The following FANK1 variants were observed in gnomAD, a reference collection of about 807,000 sequenced individuals.
FANK1 encodes fibronectin type 3 and ankyrin repeat domains protein 1.
Under a neutral mutation model 45.3 loss-of-function variants are expected in FANK1, and 44 were observed. The observed-to-expected ratio is 0.97, with a 90% CI of 0.76 to 1.25. The LOEUF (loss-of-function observed/expected upper bound fraction) is 1.25, where lower values mean the gene tolerates loss of function less well. Among genes scored for constraint, FANK1 ranks in the 50% most tolerant of loss-of-function variants. The pLI is 0.00. For synonymous variants in FANK1, 149 were observed against 152.5 expected, an observed-to-expected ratio of 0.98 and a Z score of 0.17; for missense variants, 391 against 424.4, an observed-to-expected ratio of 0.92 and a Z score of 0.69.
chr10:125,964,366 T>A (rs1421035153), intron 1 of FANK1, among the ~76,000 whole-genome samples: 1 of 151,874 alleles, frequency 6.6e-6, no homozygotes, highest in Non-Finnish European at 1.5e-5. Flanking sequence ...CTAATTTTTG[T>A]ATTTTTAGTG....
intron 1 of FANK1, among the ~76,000 whole-genome samples, chr10:125,932,888 T>C (rs1475219535): frequency 6.6e-6 from 1 of 152,202 alleles, no homozygotes; most frequent in African/African-American, 2.4e-5. Context: ...TTGTGTACCA[T>C]GTTTGCTGAG....
intron 1 of FANK1, among the ~76,000 whole-genome samples, chr10:125,917,516 A>AATAT (rs559016508): frequency 1.5e-3 from 227 of 152,302 alleles, no homozygotes; most frequent in African/African-American, 5.2e-3. Context: ...TGACGAACCT[A>AATAT]ATATATAAAG....
intron 1 of FANK1, among the ~76,000 whole-genome samples, chr10:125,956,609 G>T (rs1174731596): frequency 6.6e-6 from 1 of 152,116 alleles, no homozygotes; most frequent in African/African-American, 2.4e-5. Context: ...GTTTTTAATA[G>T]TAGAAAGTAA....
Position 125,980,356 on chromosome 10 carries a change from T to G in FANK1, c.191+18T>G. On this transcript the variant is annotated intron_variant, in intron 2 of 10. Coordinates refer to ENST00000368693, the MANE Select transcript of FANK1 (RefSeq NM_145235.5). ...ATTTATACGTAGGTGCAGTGTTGAATTGCTTGCCACTTTGCCTTACTTCCT... is the reference window on the plus strand; with the variant it reads ...ATTTATACGTAGGTGCAGTGTTGAAGTGCTTGCCACTTTGCCTTACTTCCT... 3 of 1,601,978 alleles carry G rather than the reference T, an allele frequency of 1.9e-6. No homozygotes were observed. The highest frequency in any genetic ancestry group is 2.6e-6 in the Non-Finnish European group (3 of 1,175,084).
chr10:125,994,808 G>A, intron 3 of FANK1: 3 of 985,254 alleles, frequency 3.0e-6, no homozygotes, highest in Non-Finnish European at 3.6e-6. Flanking sequence ...CCCCGGCTGT[G>A]GCCCATTGTT....
chr10:125,943,517 C>T (rs1316851487), intron 1 of FANK1, among the ~76,000 whole-genome samples: 3 of 152,164 alleles, frequency 2.0e-5, no homozygotes, highest in African/African-American at 7.2e-5. Context: ...TTCTTCCAGC[C>T]CTTTGCAACC....
At chr10:125,946,451 T>C (rs1043621531) in intron 1 of FANK1, among the ~76,000 whole-genome samples, 6 of 151,868 alleles carry the variant, frequency 4.0e-5, no homozygotes, top group African/African-American at 7.3e-5. Flanking sequence ...TCGAGAACTA[T>C]GTGAAGAATG....
intron 2 of FANK1, among the ~76,000 whole-genome samples, 178 bp from the exon 3 acceptor site, chr10:125,988,373 G>C (rs1212764305): frequency 1.3e-5 from 2 of 152,166 alleles, no homozygotes; most frequent in African/African-American, 4.8e-5. Context: ...TGCTGGATAG[G>C]GATGGGGCGC....
intron 1 of FANK1, among the ~76,000 whole-genome samples, chr10:125,963,923 C>G (rs1012916270): frequency 6.6e-6 from 1 of 151,932 alleles, no homozygotes; most frequent in African/African-American, 2.4e-5. Flanking sequence ...GATAATTTTG[C>G]AGTGCAGCTT....
At chr10:125,920,487 A>G (rs1177633210) in intron 1 of FANK1, among the ~76,000 whole-genome samples, 2 of 152,362 alleles carry the variant, frequency 1.3e-5, no homozygotes, top group East Asian at 1.9e-4. Context: ...AAAAACTTCT[A>G]ATACTGTCTT....
Position 125,988,536 on chromosome 10 carries a change from TCTC to T in FANK1, c.192-9_192-7del. On this transcript the variant is annotated splice_polypyrimidine_tract_variant and intron_variant, in intron 2 of 10. Transcript: ENST00000368693. ...CTACCTGGTGTTATCAGCATGTTTG[TCTC>T]CTCCTGTCTAGGGGATATGCAACGA... is the stretch of plus-strand genomic sequence containing the variant. 2 of 1,612,474 alleles carry T rather than the reference TCTC, an allele frequency of 1.2e-6. No individual in the cohort carries two copies. Among genetic ancestry groups the T allele is most frequent in the South Asian group, 1.1e-5 (1 of 90,958 alleles).
rs146106149 is a variant in FANK1 at position 125,980,294 on chromosome 10, TGAA to T, written c.156_158del (p.Glu52del). The T allele has an allele frequency of 0.024, 38,040 of 1,614,098 alleles. 554 individuals are homozygous for T. Among genetic ancestry groups the T allele is most frequent in the Non-Finnish European group, 0.028 (33,106 of 1,180,004 alleles). On this transcript the variant is annotated inframe_deletion, in exon 2 of 11. Coordinates refer to ENST00000368693, the MANE Select transcript of FANK1 (RefSeq NM_145235.5). ...AAGAGCAGTGGTTCAGGTTCTCGAT[TGAA>T]GAAGAAGACCCCAAAATGCACACTT...
chr10:125,982,111 T>G (rs1402202098), intron 2 of FANK1, among the ~76,000 whole-genome samples: 5 of 152,248 alleles, frequency 3.3e-5, no homozygotes, highest in Non-Finnish European at 7.3e-5. Context: ...TTTTTCTATC[T>G]AAAAGCATGA....
chr10:125,917,995 A>G (rs1413126570), intron 1 of FANK1, among the ~76,000 whole-genome samples: 1 of 152,140 alleles, frequency 6.6e-6, no homozygotes, highest in Non-Finnish European at 1.5e-5. Flanking sequence ...GGGTTGGATC[A>G]CTCGAATCTG....
At chr10:125,949,495 G>T (rs933908123) in intron 1 of FANK1, among the ~76,000 whole-genome samples, 3 of 152,122 alleles carry the variant, frequency 2.0e-5, no homozygotes, top group African/African-American at 7.2e-5. Flanking sequence ...GCCAAATCAT[G>T]AGTGAACTCC....
At chr10:125,942,293 C>A (rs921743345) in intron 1 of FANK1, among the ~76,000 whole-genome samples, 3 of 152,164 alleles carry the variant, frequency 2.0e-5, no homozygotes, top group Admixed American at 2.0e-4. Flanking sequence ...AAAATTTATT[C>A]TCGATGGATT....
rs542737827 is a variant in FANK1, at chr10:125,997,454, G to C, written c.508G>C (p.Val170Leu). 5.6e-6 allele frequency: 9 copies of C among 1,613,934 alleles called. No homozygotes were observed. The highest frequency in any genetic ancestry group is 6.8e-6 in the Non-Finnish European group (8 of 1,179,904). ...AATCCTAGTTTCTAATGGCACAGACGTGAATCTGAAGAATGGAAGTGGCAA... is the reference window on the plus strand; with the variant it reads ...AATCCTAGTTTCTAATGGCACAGACCTGAATCTGAAGAATGGAAGTGGCAA... ...VKILVSNGTD[V>L]NLKNGSGKDS... Residue 170 changes from valine to leucine, a missense_variant, in exon 6 of 11, where the codon GTG becomes CTG. Coordinates refer to ENST00000368693, the MANE Select transcript of FANK1 (RefSeq NM_145235.5).
chr10:125,995,653 C>T, intron 4 of FANK1, 155 bp downstream of exon 4: 1 of 642,698 alleles, frequency 1.6e-6, no homozygotes, highest in Non-Finnish European at 2.8e-6. Flanking sequence ...TAATAAACCA[C>T]AGTTAATAAA....
chr10:125,923,267 T>C (rs1351018420), intron 1 of FANK1, among the ~76,000 whole-genome samples: 1 of 150,804 alleles, frequency 6.6e-6, no homozygotes, highest in African/African-American at 2.4e-5. Flanking sequence ...AAGACCAGCC[T>C]GGGCAATATA....
Sources: allele counts gnomAD v4.1 joint callset (sites outside exome capture counted in the v4.1 genomes callset), GRCh38; gene constraint gnomAD v4.1.1; transcripts MANE v1.5; gene names NCBI Gene and HGNC (gene_info 2026-07-23, HGNC 2026-07-21).